BEST2: variants seen among roughly 807,000 people sequenced by gnomAD.
BEST2 encodes bestrophin-2a.
BEST2 carries 36 observed loss-of-function variants against 49.0 expected under a neutral mutation model. The ratio of observed to expected loss-of-function variants is 0.73; its 90% CI spans 0.56 to 0.97. The LOEUF is 0.97. BEST2 is among the 50% of genes least tolerant of loss of function. The pLI, the probability that BEST2 is intolerant of heterozygous loss-of-function variation, is 0.00. For synonymous variants in BEST2, 335 were observed against 304.4 expected (o/e 1.10, Z -1.05); for missense variants, 672 against 710.0 (o/e 0.95, Z 0.61).
Position 12,752,647 on chromosome 19 carries a change from C to A in BEST2, c.55C>A (p.Gln19Lys). 6.2e-7 allele frequency: 1 copy of A among 1,612,770 alleles called. No homozygotes were observed. Among genetic ancestry groups the A allele is most frequent in the Non-Finnish European group, 8.5e-7 (1 of 1,179,922 alleles). Residue 19 changes from glutamine (Q) to lysine (K), a missense_variant, in exon 2 of 10, where the codon CAG (glutamine) becomes AAG (lysine). Coordinates refer to ENST00000553030, the MANE Select transcript of BEST2 (RefSeq NM_017682.3). ...GAACGCCCGCTTCGGTGGCTTCTCC[C>A]AGCTGCTGCTACTGTGGCGTGGGAG... ...VANARFGGFS[Q>K]LLLLWRGSIY...
In BEST2 at chr19:12,754,642, C is replaced by A. The variant is rs762288691; in HGVS notation, c.338C>A (p.Thr113Asn). The change falls in exon 4 of 10, where the codon ACC (threonine) becomes AAC (asparagine). Residue 113 changes from threonine to asparagine, a missense_variant. Around this residue, in one of 3 missense-constraint regions of BEST2, gnomAD observed 365 missense variants for 390.9 expected, o/e 0.93. Transcript: ENST00000553030. ...PDALMCVVAG[T>N]VHGRDDRGRL... ...GCGCTCATGTGCGTGGTGGCGGGCA[C>A]CGTGCACGGACGCGACGACCGCGGC... The A allele has an allele frequency of 1.9e-6, 3 of 1,562,598 alleles. No individual in the cohort carries two copies. The South Asian group carries it at 3.5e-5, about 18-fold the overall frequency.
rs780260907 is a variant in BEST2, at chr19:12,756,281, C to T, written c.1089C>T (p.Ser363=). 3 of 1,613,314 alleles carry T rather than the reference C, an allele frequency of 1.9e-6. No individual in the cohort carries two copies. In the African/African-American group the frequency reaches 4.0e-5, roughly 21 times the overall value. The part of the protein sequence containing the change: ...FQLRQPSFQG[S]TFDITLAKED... ...TGCGGCAGCCTTCCTTCCAGGGCTC[C>T]ACCTTTGACATCACGTGAGCCAGTT... The change falls in exon 9 of 10, where the codon TCC becomes TCT. Residue 363 remains serine (S), a synonymous_variant. Coordinates refer to ENST00000553030, the MANE Select transcript of BEST2 (RefSeq NM_017682.3).
chr19:12,757,646 C>G lies in BEST2; in HGVS notation c.1104-5C>G, dbSNP rs1470727518. The G allele has an allele frequency of 1.3e-6, 2 of 1,534,084 alleles. No individual in the cohort carries two copies. Among genetic ancestry groups the G allele is most frequent in the South Asian group, 2.4e-5 (2 of 83,590 alleles). On this transcript the variant is annotated splice_polypyrimidine_tract_variant and splice_region_variant and intron_variant, in intron 9 of 9. Coordinates refer to ENST00000553030, the MANE Select transcript of BEST2 (RefSeq NM_017682.3). The stretch of plus-strand genomic sequence containing the variant: ...CGCAGCGCTGGCCCACTGTCGGTCC[C>G]GCAGGCTGGCCAAAGAAGACATGCA...
At chr19:12,756,480 C>G in intron 9 of BEST2, 185 bp downstream of exon 9, 1 of 797,018 alleles carries the variant, frequency 1.3e-6, no homozygotes, top group Non-Finnish European at 1.9e-6. Flanking sequence ...GAGACTGGGC[C>G]ACTGACTGGG....
rs1967909627 is a variant in BEST2 at position 12,754,401 on chromosome 19, C to G, written c.248-151C>G. 21 of 654,696 alleles carry G rather than the reference C, an allele frequency of 3.2e-5. No individual in the cohort carries two copies. The East Asian group carries it at 6.4e-4, about 20-fold the overall frequency. The allele number at this position is 654,696 out of a possible 1,614,324, so 40.6% of individuals were successfully genotyped here. On this transcript the variant is annotated intron_variant, in intron 3 of 9. Coordinates refer to ENST00000553030, the MANE Select transcript of BEST2 (RefSeq NM_017682.3). ...TCCTTTCTGACCTCAGGGCTGGACCCCCAAGTTCCCAGCCCAAACGTGGTC... is the reference window on the plus strand; with the variant it reads ...TCCTTTCTGACCTCAGGGCTGGACCGCCAAGTTCCCAGCCCAAACGTGGTC...
chr19:12,753,138 A>G (rs1967891318), intron 2 of BEST2, 122 bp from the exon 3 acceptor site: 1 of 986,324 alleles, frequency 1.0e-6, no homozygotes, highest in African/African-American at 1.6e-5. Flanking sequence ...GGTGTGACCC[A>G]TAGCACCCGG....
chr19:12,756,639 G>A (rs933737212), intron 9 of BEST2: 1 of 288,700 alleles, frequency 3.5e-6, no homozygotes, highest in Non-Finnish European at 6.7e-6. Flanking sequence ...AGCAAGCCCA[G>A]GAGTTCAGAC....
In BEST2 at chr19:12,755,077, G is replaced by C. The variant is rs762708628; in HGVS notation, c.636+46G>C. 6.4e-7 allele frequency: 1 copy of C among 1,557,142 alleles called. No individual in the cohort carries two copies. The highest frequency in any genetic ancestry group is 1.4e-5 in the African/African-American group (1 of 72,568). On this transcript the variant is annotated intron_variant, in intron 5 of 9. Transcript: ENST00000553030. This position sits in a 1 kb window ranked among gnomAD's most constrained non-coding sequence, Gnocchi z 4.4. ...ATTCATATAGAATACCAGGGAAATT[G>C]TACCCCTGGAGCTGTGTCAACGGCG...
Position 12,755,281 on chromosome 19 carries a change from C to G in BEST2, c.637-98C>G. 7.5e-7 allele frequency: 1 copy of G among 1,329,700 alleles called. No individual in the cohort carries two copies. Among genetic ancestry groups the G allele is most frequent in the Non-Finnish European group, 1.1e-6 (1 of 930,308 alleles). 82.4% of individuals were successfully genotyped at this position (1,329,700 alleles called of 1,614,324 possible). A position where few individuals can be genotyped will look rare whatever the true frequency, so the allele number is the denominator to read the frequency against. On this transcript the variant is annotated intron_variant, in intron 5 of 9. Coordinates refer to ENST00000553030, the MANE Select transcript of BEST2 (RefSeq NM_017682.3). This position sits in a 1 kb window ranked among gnomAD's most constrained non-coding sequence, Gnocchi z 4.4. ...ACCCCCAAAGCACACTCCCAATTCC[C>G]ACCAGGTGACCACCCACCTCCATCC...
Position 12,755,555 on chromosome 19 carries a change from A to T in BEST2, c.715-60A>T. 1 of 1,609,254 alleles carries T rather than the reference A, an allele frequency of 6.2e-7. No homozygotes were observed. The highest frequency in any genetic ancestry group is 1.7e-4 in the Middle Eastern group (1 of 6,052). On this transcript the variant is annotated intron_variant, in intron 6 of 9. Coordinates refer to ENST00000553030, the MANE Select transcript of BEST2 (RefSeq NM_017682.3). The surrounding 1 kb of genome is among the most constrained non-coding windows in gnomAD (Gnocchi z 4.4). ...ACTAGCTAAGACCCCCATCATAATG[A>T]TGCCTAATCCTAGCCTTGGACCCCA...
At chr19:12,752,457 G>A (rs867827066) in intron 1 of BEST2, 85 bp from the exon 2 acceptor site, 2 of 919,842 alleles carry the variant, frequency 2.2e-6, no homozygotes, top group Non-Finnish European at 3.3e-6. Flanking sequence ...TCAGGCAAGG[G>A]TCAGGACTGA....
rs1348859638 is a variant in BEST2, at chr19:12,757,687, C to T, written c.1140C>T (p.Asp380=). The T allele has an allele frequency of 5.2e-6, 8 of 1,544,970 alleles. No individual in the cohort carries two copies. The highest frequency in any genetic ancestry group is 1.2e-5 in the South Asian group (1 of 84,144). ...AKEDMQFQRL[D]GLDGPMGEAP... is the part of the protein sequence containing the mutation. ...AAGACATGCAGTTCCAGCGGCTGGACGGCTTGGATGGACCGATGGGAGAGG... is the reference window on the plus strand; with the variant it reads ...AAGACATGCAGTTCCAGCGGCTGGATGGCTTGGATGGACCGATGGGAGAGG... The change falls in exon 10 of 10, where the codon GAC becomes GAT. Residue 380 remains aspartate, a synonymous_variant. Transcript: ENST00000553030.
Position 12,755,181 on chromosome 19 carries a change from T to A in BEST2, c.636+150T>A. On this transcript the variant is annotated intron_variant, in intron 5 of 9. Transcript: ENST00000553030. The surrounding 1 kb of genome is among the most constrained non-coding windows in gnomAD (Gnocchi z 4.4). ...CTTACCTCCATGGGGCTGATTCCAATGCCCTTGAGGGGCAGCTCCTGGGTG... is the reference window on the plus strand; with the variant it reads ...CTTACCTCCATGGGGCTGATTCCAAAGCCCTTGAGGGGCAGCTCCTGGGTG... 8.6e-7 allele frequency: 1 copy of A among 1,159,582 alleles called. No individual in the cohort carries two copies. The highest frequency in any genetic ancestry group is 1.2e-6 in the Non-Finnish European group (1 of 833,356). The allele number at this position is 1,159,582 out of a possible 1,614,324, so 71.8% of individuals were successfully genotyped here.
chr19:12,752,658 A>G lies in BEST2; in HGVS notation c.66A>G (p.Leu22=). The change falls in exon 2 of 10, where the codon CTA becomes CTG. Residue 22 remains leucine (L), a synonymous_variant. Transcript: ENST00000553030. ...TCGGTGGCTTCTCCCAGCTGCTGCTACTGTGGCGTGGGAGCATCTACAAAC... is the reference window on the plus strand; with the variant it reads ...TCGGTGGCTTCTCCCAGCTGCTGCTGCTGTGGCGTGGGAGCATCTACAAAC... ...ARFGGFSQLL[L]LWRGSIYKLL... is the part of the protein sequence containing the mutation. The G allele has an allele frequency of 6.2e-7, 1 of 1,612,784 alleles. No homozygotes were observed. Among genetic ancestry groups the G allele is most frequent in the South Asian group, 1.1e-5 (1 of 91,020 alleles).
rs762765737 is a variant in BEST2 at position 12,756,170 on chromosome 19, T to C, written c.978T>C (p.Tyr326=). 67 of 1,614,116 alleles carry C rather than the reference T, an allele frequency of 4.2e-5. No individual in the cohort carries two copies. Among genetic ancestry groups the C allele is most frequent in the Non-Finnish European group, 5.6e-5 (66 of 1,180,048 alleles). ...CCATGCTGGCAGTGGACGAGATGTA[T>C]GATGACCTGGCTGTGCTGGAGAAGG... The part of the protein sequence containing the change: ...QVSMLAVDEM[Y]DDLAVLEKDL... The change falls in exon 9 of 10, where the codon TAT becomes TAC. Residue 326 remains tyrosine (Y), a synonymous_variant. Transcript: ENST00000553030.
At position 12,755,550 on chromosome 19, in the gene BEST2, T is replaced by A; in HGVS notation, c.715-65T>A. ...CAAGAACTAGCTAAGACCCCCATCA[T>A]AATGATGCCTAATCCTAGCCTTGGA... On this transcript the variant is annotated intron_variant, in intron 6 of 9. Coordinates refer to ENST00000553030, the MANE Select transcript of BEST2 (RefSeq NM_017682.3). This position sits in a 1 kb window ranked among gnomAD's most constrained non-coding sequence, Gnocchi z 4.4. 6.2e-7 allele frequency: 1 copy of A among 1,608,904 alleles called. No homozygotes were observed. The highest frequency in any genetic ancestry group is 2.2e-5 in the East Asian group (1 of 44,838).
intron 8 of BEST2, 38 bp from the exon 9 acceptor site, chr19:12,756,103 C>A: frequency 1.2e-6 from 2 of 1,612,896 alleles, no homozygotes; most frequent in South Asian, 1.1e-5. Context: ...CGGCGGGTTG[C>A]CCTGCCCCCA....
intron 9 of BEST2, chr19:12,756,699 T>C (rs1048199583): frequency 4.9e-6 from 1 of 204,584 alleles, no homozygotes; most frequent in Admixed American, 5.3e-5. Context: ...AATAAAAAAT[T>C]AGCCAAGCGT....
chr19:12,752,442 G>A (rs2145701903), intron 1 of BEST2, 100 bp from the exon 2 acceptor site: 1 of 744,126 alleles, frequency 1.3e-6, no homozygotes, highest in Non-Finnish European at 2.2e-6. Flanking sequence ...GGAGGAGAAG[G>A]CAACTCAGGC....
Sources: allele counts gnomAD v4.1 joint callset, GRCh38; gene constraint gnomAD v4.1.1; regional missense constraint gnomAD v4.1.1; non-coding constraint Gnocchi (gnomAD v3.1); transcripts MANE v1.5; gene names NCBI Gene and HGNC (gene_info 2026-07-23, HGNC 2026-07-21).